Variants in MYO1B observed in about 807,000 individuals in gnomAD.
MYO1B encodes unconventional myosin-Ib.
A neutral mutation model predicts 159.7 loss-of-function variants in MYO1B; 72 were observed. The ratio of observed to expected loss-of-function variants is 0.45; its 90% CI spans 0.37 to 0.55. The LOEUF (loss-of-function observed/expected upper bound fraction) is 0.55. MYO1B is among the 20% of genes least tolerant of loss of function. MYO1B has a pLI of 0.00. For missense variants in MYO1B, 1,062 were observed against 1,364.8 expected, an observed-to-expected ratio of 0.78 and a Z score of 3.50; for synonymous variants, 468 against 473.8, an observed-to-expected ratio of 0.99 and a Z score of 0.16.
chr2:191,327,207 G>C lies in MYO1B; in HGVS notation c.252-2728G>C, dbSNP rs557993379. The stretch of plus-strand genomic sequence containing the variant: ...CCAGTAGGGACTTTGCCACTGCTTC[G>C]AGAGCATCCACTCATTCATCCATCC... On this transcript the variant is annotated intron_variant, in intron 3 of 30. Coordinates refer to ENST00000392318, the MANE Select transcript of MYO1B (RefSeq NM_001130158.3). Among the ~76,000 whole-genome samples the C allele has an allele frequency of 6.6e-5, 10 of 152,186 alleles. 1 individual carries two copies. In the South Asian group the frequency reaches 1.9e-3, roughly 28 times the overall value.
intron 27 of MYO1B, among the ~76,000 whole-genome samples, chr2:191,411,874 T>C (rs982464632): frequency 6.6e-6 from 1 of 152,216 alleles, no homozygotes; most frequent in African/African-American, 2.4e-5. Context: ...TCATCTGGTG[T>C]TTATAAAAAA....
At position 191,336,150 on chromosome 2, in the gene MYO1B, C is replaced by T. The variant is rs531185712; in HGVS notation, c.347-5311C>T. On this transcript the variant is annotated intron_variant, in intron 4 of 30. Coordinates refer to ENST00000392318, the MANE Select transcript of MYO1B (RefSeq NM_001130158.3). The stretch of plus-strand genomic sequence containing the variant: ...TCTGGGCCTGAGAAGATGATCCCAA[C>T]GTTAGGAAACATAATTATTTGGTTT... 1.3e-4 allele frequency among the ~76,000 whole-genome samples: 20 copies of T among 152,234 alleles called. 1 individual carries two copies. Among genetic ancestry groups the T allele is most frequent in the Non-Finnish European group, 2.4e-4 (16 of 68,004 alleles).
intron 1 of MYO1B, among the ~76,000 whole-genome samples, chr2:191,264,745 G>T (rs1687024816): frequency 6.6e-6 from 1 of 151,254 alleles, no homozygotes; most frequent in African/African-American, 2.4e-5. Context: ...TTGTGGTCTG[G>T]CATTTGCTGG....
chr2:191,388,950 G>A (rs557216399), intron 17 of MYO1B, among the ~76,000 whole-genome samples: 2 of 151,844 alleles, frequency 1.3e-5, no homozygotes, highest in South Asian at 4.2e-4. Flanking sequence ...ATATATTATC[G>A]TATATTTTCT....
intron 1 of MYO1B, among the ~76,000 whole-genome samples, chr2:191,253,739 A>G (rs1462645374): frequency 1.3e-5 from 2 of 152,308 alleles, no homozygotes; most frequent in East Asian, 3.9e-4. Flanking sequence ...CCCACAGGTT[A>G]GCTTGCACAT....
chr2:191,351,037 G>C (rs947769563), intron 7 of MYO1B, among the ~76,000 whole-genome samples: 1 of 151,972 alleles, frequency 6.6e-6, no homozygotes, highest in Non-Finnish European at 1.5e-5. Flanking sequence ...GATGACTCAG[G>C]GCTTTGTGCA....
intron 8 of MYO1B, among the ~76,000 whole-genome samples, chr2:191,360,995 A>C (rs1693635365): frequency 6.6e-6 from 1 of 152,168 alleles, no homozygotes; most frequent in South Asian, 2.1e-4. Flanking sequence ...TTCCTTCTTA[A>C]GAATATTTTT....
At chr2:191,321,049 T>TA (rs1357057461) in intron 3 of MYO1B, among the ~76,000 whole-genome samples, 2 of 152,246 alleles carry the variant, frequency 1.3e-5, no homozygotes, top group African/African-American at 4.8e-5. Context: ...TTGACTCTTG[T>TA]AAACATGAAA....
At chr2:191,266,641 T>C (rs1462956980) in intron 1 of MYO1B, among the ~76,000 whole-genome samples, 1 of 152,208 alleles carries the variant, frequency 6.6e-6, no homozygotes, top group African/African-American at 2.4e-5. Flanking sequence ...CCCTGGCTCT[T>C]CTAGAAACCA....
Position 191,387,440 on chromosome 2 carries a change from A to C in MYO1B, c.1771A>C (p.Asn591His). ...LMKNLQTKNP[N>H]YIRCIKPNDK... The stretch of plus-strand genomic sequence containing the variant: ...GAAAAACCTACAGACCAAGAACCCA[A>C]ACTATATTAGGTATTTTTGGCACAT... The change falls in exon 17 of 31, where the codon AAC becomes CAC. Residue 591 changes from asparagine to histidine, a missense_variant. Physicochemically the swap from Asn to His is moderately conservative, Grantham distance 68. This residue lies in a region of MYO1B where 609 missense variants were observed against 744.4 expected (regional missense o/e 0.82). Coordinates refer to ENST00000392318, the MANE Select transcript of MYO1B (RefSeq NM_001130158.3). The C allele has an allele frequency of 6.2e-7, 1 of 1,613,996 alleles. No individual in the cohort carries two copies. Among genetic ancestry groups the C allele is most frequent in the African/African-American group, 1.3e-5 (1 of 75,028 alleles).
In MYO1B at chr2:191,422,384, C is replaced by T. The variant is rs116274569; in HGVS notation, c.3288-1453C>T. ...ATACAGTTGGGGGTTCCTCGCAGCA[C>T]CAGCACAGGGATGGTGTGAAGAACC... On this transcript the variant is annotated intron_variant, in intron 30 of 30. Coordinates refer to ENST00000392318, the MANE Select transcript of MYO1B (RefSeq NM_001130158.3). Among the ~76,000 whole-genome samples the T allele has an allele frequency of 1.6e-3, 243 of 152,208 alleles. 2 individuals are homozygous for T. Among genetic ancestry groups the T allele is most frequent in the African/African-American group, 5.6e-3 (233 of 41,520 alleles).
intron 24 of MYO1B, among the ~76,000 whole-genome samples, chr2:191,406,977 G>A (rs1286771538): frequency 1.3e-5 from 2 of 152,214 alleles, no homozygotes; most frequent in East Asian, 3.8e-4. Flanking sequence ...GATGAGGAAA[G>A]CATCAGATGG....
intron 8 of MYO1B, 96 bp from the exon 9 acceptor site, chr2:191,362,172 C>T: frequency 1.2e-6 from 1 of 838,386 alleles, no homozygotes; most frequent in Non-Finnish European, 1.9e-6. Flanking sequence ...AATATAAAAG[C>T]CATGTTACCG....
At position 191,257,915 on chromosome 2, in the gene MYO1B, A is replaced by G. The variant is rs543561376; in HGVS notation, c.-10+12289A>G. Among the ~76,000 whole-genome samples the G allele has an allele frequency of 5.4e-4, 82 of 152,342 alleles. No homozygotes were observed. The South Asian group carries it at 5.6e-3, about 10-fold the overall frequency. ...AATGCCTAATTTGAACATATCATAA[A>G]TATTTATGATAGTTCTTTTTCTGCT... On this transcript the variant is annotated intron_variant, in intron 1 of 30. Coordinates refer to ENST00000392318, the MANE Select transcript of MYO1B (RefSeq NM_001130158.3).
At chr2:191,358,886 G>A (rs186191448) in intron 7 of MYO1B, among the ~76,000 whole-genome samples, 4 of 152,244 alleles carry the variant, frequency 2.6e-5, no homozygotes, top group Non-Finnish European at 5.9e-5. Flanking sequence ...CACGTGTCCA[G>A]CTGGTGCTAA....
At position 191,400,397 on chromosome 2, in the gene MYO1B, C is replaced by T. The variant is rs200675888; in HGVS notation, c.2311C>T (p.Arg771Trp). The T allele has an allele frequency of 7.0e-5, 113 of 1,613,898 alleles. No individual in the cohort carries two copies. Among genetic ancestry groups the T allele is most frequent in the Non-Finnish European group, 8.6e-5 (101 of 1,179,984 alleles). ...TGCCCTTTAGGCTCGAAAAATTCTG[C>T]GGGAACTGAAGCATCAAAAGCGCTG... ...IRGWKARKIL[R>W]ELKHQKRCKE... The change falls in exon 22 of 31, where the codon CGG becomes TGG. Residue 771 changes from arginine to tryptophan, a missense_variant. By Grantham distance (101) the Arg-to-Trp change is moderately radical (BLOSUM62 -3). Coordinates refer to ENST00000392318, the MANE Select transcript of MYO1B (RefSeq NM_001130158.3).
intron 11 of MYO1B, among the ~76,000 whole-genome samples, chr2:191,365,187 G>T (rs911100015): frequency 1.3e-5 from 2 of 152,160 alleles, no homozygotes; most frequent in Non-Finnish European, 2.9e-5. Context: ...TATGGCTTAC[G>T]CATTTTACCA....
intron 1 of MYO1B, among the ~76,000 whole-genome samples, chr2:191,267,329 A>G (rs1380404995): frequency 6.6e-6 from 1 of 152,240 alleles, no homozygotes; most frequent in Non-Finnish European, 1.5e-5. Flanking sequence ...AGTCAACAAC[A>G]TACTATATGG....
intron 19 of MYO1B, among the ~76,000 whole-genome samples, chr2:191,392,780 T>C (rs1695834997): frequency 6.6e-6 from 1 of 152,172 alleles, no homozygotes; most frequent in African/African-American, 2.4e-5. Flanking sequence ...CCATTAGTAA[T>C]TTGCATCCTC....
Sources: gnomAD v4.1 joint callset for allele counts (sites outside exome capture counted in the v4.1 genomes callset) on GRCh38, gnomAD v4.1.1 for gene constraint, gnomAD v4.1.1 regional missense constraint, MANE v1.5 for transcripts, NCBI Gene and HGNC (gene_info 2026-07-23, HGNC 2026-07-21) for gene names.